CELA1: variants seen among roughly 807,000 people sequenced by gnomAD.
The protein encoded by CELA1 is chymotrypsin like elastase 1.
In CELA1, 28 loss-of-function variants were observed where a neutral mutation model predicts 34.8. That is an observed-to-expected ratio of 0.80 (90% confidence interval 0.60 to 1.10). The LOEUF (loss-of-function observed/expected upper bound fraction) is 1.10. Among genes scored for constraint, CELA1 ranks in the 50% least tolerant of loss-of-function variants. CELA1 has a pLI of 0.00. For synonymous variants in CELA1, 140 were observed against 129.8 expected (o/e 1.08, Z -0.53); for missense variants, 288 against 327.5 (o/e 0.88, Z 0.93).
At chr12:51,330,443 T>C (rs1294105873) in intron 6 of CELA1, among the ~76,000 whole-genome samples, 1 of 152,102 alleles carries the variant, frequency 6.6e-6, no homozygotes, top group African/African-American at 2.4e-5. Context: ...ATGCCACACA[T>C]AAAATGGGAA....
At position 51,340,812 on chromosome 12, in the gene CELA1, C is replaced by T. The variant is rs566418280; in HGVS notation, c.463+432G>A. Reference sequence around the variant, plus strand: ...CTTAAGCTCAGGAGTTCGAGGCCAGCCTAGGCAATATAGCGAGATCCCATC... The same window carrying T: ...CTTAAGCTCAGGAGTTCGAGGCCAGTCTAGGCAATATAGCGAGATCCCATC... On this transcript the variant is annotated intron_variant, in intron 5 of 7. Coordinates refer to ENST00000293636, the MANE Select transcript of CELA1 (RefSeq NM_001971.6). 2.6e-5 allele frequency among the ~76,000 whole-genome samples: 4 copies of T among 152,180 alleles called. No homozygotes were observed. In the South Asian group the frequency reaches 8.3e-4, roughly 32 times the overall value.
chr12:51,340,087 A>G, intron 5 of CELA1, 82 bp from the exon 6 acceptor site: 2 of 1,305,256 alleles, frequency 1.5e-6, no homozygotes, highest in Non-Finnish European at 2.1e-6. Flanking sequence ...CACCTTCCCA[A>G]ACTCTCGTGA....
At chr12:51,331,362 C>T (rs1946468941) in intron 6 of CELA1, among the ~76,000 whole-genome samples, 1 of 152,194 alleles carries the variant, frequency 6.6e-6, no homozygotes, top group African/African-American at 2.4e-5. Flanking sequence ...GCACTTCAGC[C>T]TGGGCGACAG....
At chr12:51,330,301 C>T (rs771839300) in intron 6 of CELA1, among the ~76,000 whole-genome samples, 1 of 152,140 alleles carries the variant, frequency 6.6e-6, no homozygotes, top group Non-Finnish European at 1.5e-5. Context: ...ACTTGGTAGT[C>T]AAAACATGCT....
intron 6 of CELA1, among the ~76,000 whole-genome samples, chr12:51,334,770 C>G (rs1304677954): frequency 6.6e-6 from 1 of 152,144 alleles, no homozygotes; most frequent in Non-Finnish European, 1.5e-5. Flanking sequence ...GCCAGCCTGC[C>G]AGCTTCTCTC....
At position 51,342,482 on chromosome 12, in the gene CELA1, C is replaced by T. The variant is rs1187339810; in HGVS notation, c.326+93G>A. On this transcript the variant is annotated intron_variant, in intron 4 of 7. Coordinates refer to ENST00000293636, the MANE Select transcript of CELA1 (RefSeq NM_001971.6). Reference sequence around the variant, plus strand: ...GACCAGGTTTCAGGCCATGCAATCCCTCTAGCCCTCTGAAAGAACAGGTGA... The same window carrying T: ...GACCAGGTTTCAGGCCATGCAATCCTTCTAGCCCTCTGAAAGAACAGGTGA... 5.7e-6 allele frequency: 9 copies of T among 1,575,550 alleles called. No homozygotes were observed. The African/African-American group carries it at 1.2e-4, about 21-fold the overall frequency.
rs1319888796 is a variant in CELA1, at chr12:51,342,638, T to C, written c.263A>G (p.Gln88Arg). ...HNLSQNDGTEQYVSVQKIVVH... is the reference protein window; with the variant it reads ...HNLSQNDGTERYVSVQKIVVH... ...CACGATCTTCTGCACACTCACGTACTGCTCAGTGCCATCATTCTGGCTCAG... is the reference window on the plus strand; with the variant it reads ...CACGATCTTCTGCACACTCACGTACCGCTCAGTGCCATCATTCTGGCTCAG... Residue 88 changes from glutamine (Q) to arginine (R), a missense_variant, in exon 4 of 8, where the codon CAG (glutamine) becomes CGG (arginine). By Grantham distance (43) the Gln-to-Arg change is conservative. Transcript: ENST00000293636. The C allele has an allele frequency of 1.9e-6, 3 of 1,614,158 alleles. No homozygotes were observed. The highest frequency in any genetic ancestry group is 2.7e-5 in the African/African-American group (2 of 75,048).
chr12:51,343,191 A>G (rs886333322), intron 3 of CELA1, among the ~76,000 whole-genome samples: 1 of 152,130 alleles, frequency 6.6e-6, no homozygotes, highest in Non-Finnish European at 1.5e-5. Flanking sequence ...ATTTTGAAGG[A>G]AGCATAGACT....
chr12:51,339,630 A>C (rs954986603), intron 6 of CELA1, among the ~76,000 whole-genome samples: 2 of 152,208 alleles, frequency 1.3e-5, no homozygotes, highest in African/African-American at 4.8e-5. Context: ...GCCACGTACA[A>C]ACTTTGAAGT....
chr12:51,342,714 A>G lies in CELA1; in HGVS notation c.201-14T>C, dbSNP rs746017250. ...AAAGTCTTCTGGCTGGCGTGAGAGAAGGAATCCCTGAGTCATCCAGGGGAC... is the reference window on the plus strand; with the variant it reads ...AAAGTCTTCTGGCTGGCGTGAGAGAGGGAATCCCTGAGTCATCCAGGGGAC... On this transcript the variant is annotated splice_polypyrimidine_tract_variant and intron_variant, in intron 3 of 7. Transcript: ENST00000293636. 6.2e-7 allele frequency: 1 copy of G among 1,614,068 alleles called. No homozygotes were observed. The highest frequency in any genetic ancestry group is 8.5e-7 in the Non-Finnish European group (1 of 1,179,918).
At position 51,344,843 on chromosome 12, in the gene CELA1, G is replaced by A. The variant is rs372841737; in HGVS notation, c.99+952C>T. Among the ~76,000 whole-genome samples, 56 of 152,222 alleles carry A rather than the reference G, an allele frequency of 3.7e-4. 1 individual carries two copies. The East Asian group carries it at 0.011, about 29-fold the overall frequency. ...GGACTACTTAGAAATACCAATGGGA[G>A]GCCAGGCGCTGTGGCTCATGCCTGT... On this transcript the variant is annotated intron_variant, in intron 2 of 7. Transcript: ENST00000293636.
intron 6 of CELA1, among the ~76,000 whole-genome samples, chr12:51,333,398 T>A (rs946454514): frequency 2.8e-4 from 21 of 74,494 alleles, no homozygotes; most frequent in Non-Finnish European, 6.7e-4. Flanking sequence ...CCGACTGTTT[T>A]TTTTTTGTTT....
In CELA1 at chr12:51,329,765, A is replaced by C; in HGVS notation, c.678T>G (p.Phe226Leu). 2 of 1,614,088 alleles carry C rather than the reference A, an allele frequency of 1.2e-6. No individual in the cohort carries two copies. The highest frequency in any genetic ancestry group is 1.7e-6 in the Non-Finnish European group (2 of 1,180,000). Residue 226 changes from phenylalanine (F) to leucine (L), a missense_variant, in exon 7 of 8, where the codon TTT becomes TTG. Phe to Leu is a conservative substitution (Grantham distance 22). Coordinates refer to ENST00000293636, the MANE Select transcript of CELA1 (RefSeq NM_001971.6). Reference protein sequence around the residue: ...GKYSVHGVTSFVSSRGCNVSR... With the variant: ...GKYSVHGVTSLVSSRGCNVSR... ...AGACATTACAGCCCCGGCTGGACAC[A>C]AAGCTGGTCACTCCATGGACAGAAT... is the stretch of plus-strand genomic sequence containing the variant.
chr12:51,338,269 CACACACACACACACACACAT>C (rs1239130633), intron 6 of CELA1, among the ~76,000 whole-genome samples: 2 of 46,380 alleles, frequency 4.3e-5, no homozygotes, highest in Non-Finnish European at 9.1e-5. Context: ...CACACACACA[CACACACACACACACACACAT>C]ACACATACGC....
In CELA1 at chr12:51,345,835, A is replaced by G. The variant is rs756313200; in HGVS notation, c.59T>C (p.Val20Ala). ...ATTCCTCCCGGCCTCAGTCCCTCCG[A>G]CTACGCGGGCATTGGTTTCCGGAAG... ...QDLPETNARV[V>A]GGTEAGRNSW... Residue 20 changes from valine to alanine, a missense_variant, in exon 2 of 8, where the codon GTC becomes GCC. Physicochemically the swap from Val to Ala is moderately conservative, Grantham distance 64. Transcript: ENST00000293636. 36 of 1,559,598 alleles carry G rather than the reference A, an allele frequency of 2.3e-5. No individual in the cohort carries two copies. Among genetic ancestry groups the G allele is most frequent in the Non-Finnish European group, 3.1e-5 (36 of 1,151,032 alleles).
At chr12:51,342,451 G>A in intron 4 of CELA1, 124 bp downstream of exon 4, 1 of 1,391,362 alleles carries the variant, frequency 7.2e-7, no homozygotes, top group Non-Finnish European at 9.9e-7. Flanking sequence ...CAGGCCAGGA[G>A]CCACGGACCA....
chr12:51,338,786 T>C (rs1024611593), intron 6 of CELA1, among the ~76,000 whole-genome samples: 1 of 152,174 alleles, frequency 6.6e-6, no homozygotes, highest in South Asian at 2.1e-4. Context: ...TGGCATATAG[T>C]AGATATATAA....
At chr12:51,345,028 C>T (rs984584022) in intron 2 of CELA1, among the ~76,000 whole-genome samples, 4 of 150,836 alleles carry the variant, frequency 2.7e-5, no homozygotes, top group South Asian at 2.1e-4. Context: ...AGGAGGCTGA[C>T]GCAGGAGAAC....
At chr12:51,344,564 A>G (rs943819241) in intron 2 of CELA1, among the ~76,000 whole-genome samples, 5 of 151,440 alleles carry the variant, frequency 3.3e-5, no homozygotes, top group East Asian at 3.9e-4. Flanking sequence ...GGTGGCATGC[A>G]CCTGTAGTCC....
Sources: allele counts gnomAD v4.1 joint callset (sites outside exome capture counted in the v4.1 genomes callset), GRCh38; gene constraint gnomAD v4.1.1; transcripts MANE v1.5; gene names NCBI Gene and HGNC (gene_info 2026-07-23, HGNC 2026-07-21).